The following TBC1D22A variants were observed in gnomAD, a reference collection of about 807,000 sequenced individuals.
The protein encoded by TBC1D22A is TBC1 domain family member 22A, also known as putative GTPase activator.
TBC1D22A carries 38 observed loss-of-function variants against 60.2 expected under a neutral mutation model. The ratio of observed to expected loss-of-function variants is 0.63; its 90% CI spans 0.49 to 0.83. The LOEUF is 0.83. Among genes scored for constraint, TBC1D22A ranks in the 40% least tolerant of loss-of-function variants. TBC1D22A has a pLI of 0.00. For synonymous variants in TBC1D22A, 302 were observed against 281.7 expected, an observed-to-expected ratio of 1.07 and a Z score of -0.72; for missense variants, 628 against 701.0, an observed-to-expected ratio of 0.90 and a Z score of 1.18.
At chr22:47,153,572 G>A (rs182462004) in intron 12 of TBC1D22A, among the ~76,000 whole-genome samples, 2 of 152,064 alleles carry the variant, frequency 1.3e-5, no homozygotes, top group Non-Finnish European at 2.9e-5. Context: ...CCATGCAGGT[G>A]GACGGGCAAG....
rs73182619 is a variant in TBC1D22A, at chr22:46,815,938, T to C, written c.637+18318T>C. ...TCGGCTGGAGCCCGTGGGGTATACC[T>C]GCGTGCGCCATGGGCAGGTAGGTCC... On this transcript the variant is annotated intron_variant, in intron 4 of 12. Transcript: ENST00000337137. 6.5e-3 allele frequency among the ~76,000 whole-genome samples: 990 copies of C among 152,208 alleles called. 2 individuals are homozygous for C. The highest frequency in any genetic ancestry group is 0.011 in the Non-Finnish European group (728 of 67,992).
At chr22:46,972,059 G>A (rs766493702) in intron 8 of TBC1D22A, among the ~76,000 whole-genome samples, 52 of 152,290 alleles carry the variant, frequency 3.4e-4, no homozygotes, top group Middle Eastern at 3.4e-3. Context: ...CCCCGCATTC[G>A]AGGAATGGGG....
chr22:46,906,699 C>T (rs2069493990), intron 7 of TBC1D22A, among the ~76,000 whole-genome samples: 1 of 152,180 alleles, frequency 6.6e-6, no homozygotes, highest in Non-Finnish European at 1.5e-5. Flanking sequence ...CTCCGTTTCT[C>T]AGCCACATGT....
chr22:46,792,462 G>A, intron 1 of TBC1D22A, 58 bp from the exon 2 acceptor site: 1 of 1,612,076 alleles, frequency 6.2e-7, no homozygotes, highest in Non-Finnish European at 8.5e-7. Flanking sequence ...TGAGCTGGTG[G>A]AGGGCTCTTG....
At chr22:46,857,405 T>C (rs1019555918) in intron 4 of TBC1D22A, among the ~76,000 whole-genome samples, 2 of 152,244 alleles carry the variant, frequency 1.3e-5, no homozygotes, top group Non-Finnish European at 2.9e-5. Context: ...AGAGGGCCTC[T>C]GTTTCTGAGA....
chr22:47,030,078 C>T (rs2062417389), intron 10 of TBC1D22A, among the ~76,000 whole-genome samples: 1 of 152,242 alleles, frequency 6.6e-6, no homozygotes, highest in Admixed American at 6.5e-5. Flanking sequence ...TGGGGGGCCT[C>T]TTGGTGCGGA....
At chr22:46,998,814 G>C (rs5769284) in intron 10 of TBC1D22A, among the ~76,000 whole-genome samples, 1 of 152,230 alleles carries the variant, frequency 6.6e-6, no homozygotes, top group Admixed American at 6.5e-5. Context: ...GTTACGTTTA[G>C]CTGCTTTTCA....
chr22:46,777,817 G>T lies in TBC1D22A; in HGVS notation c.63-14703G>T, dbSNP rs533301224. 3.3e-5 allele frequency among the ~76,000 whole-genome samples: 5 copies of T among 152,330 alleles called. No individual in the cohort carries two copies. The highest frequency in any genetic ancestry group is 6.5e-5 in the Admixed American group (1 of 15,300). ...AAGTCATGCATCACTTAGCGACGGG[G>T]ACGCCTTCTGAGACATGTGTCCTTA... is the stretch of plus-strand genomic sequence containing the variant. On this transcript the variant is annotated intron_variant, in intron 1 of 12. Coordinates refer to ENST00000337137, the MANE Select transcript of TBC1D22A (RefSeq NM_014346.5). This position sits in a 1 kb window ranked among gnomAD's most constrained non-coding sequence, Gnocchi z 4.5.
At chr22:47,164,740 G>A (rs191198756) in intron 12 of TBC1D22A, among the ~76,000 whole-genome samples, 37 of 152,306 alleles carry the variant, frequency 2.4e-4, no homozygotes, top group Admixed American at 2.4e-3. Context: ...GGGTCGCTCC[G>A]CTGGCAGCGC....
At chr22:46,978,608 T>G (rs900918160) in intron 9 of TBC1D22A, among the ~76,000 whole-genome samples, 43 of 152,026 alleles carry the variant, frequency 2.8e-4, no homozygotes, top group African/African-American at 9.2e-4. Context: ...GAAGCGTGTT[T>G]TTTGTTTGTT....
intron 4 of TBC1D22A, among the ~76,000 whole-genome samples, chr22:46,806,240 G>T (rs1391875857): frequency 6.6e-6 from 1 of 152,038 alleles, no homozygotes; most frequent in African/African-American, 2.4e-5. Context: ...TGATTGCATT[G>T]AACTGTCTAC....
In TBC1D22A at chr22:46,895,890, A is replaced by G. The variant is rs141573570; in HGVS notation, c.900+1044A>G. Reference sequence around the variant, plus strand: ...TCTAAGGCTTTTACAAAGGAGTACAATTATTGCATCATTGGGTGTGGTGTG... The same window carrying G: ...TCTAAGGCTTTTACAAAGGAGTACAGTTATTGCATCATTGGGTGTGGTGTG... On this transcript the variant is annotated intron_variant, in intron 7 of 12. Transcript: ENST00000337137. 1.2e-3 allele frequency among the ~76,000 whole-genome samples: 180 copies of G among 152,276 alleles called. 2 individuals carry two copies. The highest frequency in any genetic ancestry group is 4.2e-3 in the African/African-American group (176 of 41,542).
At chr22:47,050,719 G>A (rs1301188251) in intron 11 of TBC1D22A, among the ~76,000 whole-genome samples, 3 of 152,154 alleles carry the variant, frequency 2.0e-5, no homozygotes, top group African/African-American at 4.8e-5. Flanking sequence ...AGGCCATGGC[G>A]GGGGCTCGGG....
At position 46,919,731 on chromosome 22, in the gene TBC1D22A, C is replaced by CTTTTT. The variant is rs57252183; in HGVS notation, c.1015+7553_1015+7557dup. 7.4e-4 allele frequency among the ~76,000 whole-genome samples: 101 copies of CTTTTT among 136,856 alleles called. 2 individuals are homozygous for CTTTTT. Among genetic ancestry groups the CTTTTT allele is most frequent in the African/African-American group, 2.6e-3 (93 of 35,554 alleles). The allele number at this position is 136,856 out of a possible 152,430, so 89.8% of individuals were successfully genotyped here. ...TCAACACTTGTCATCATCTTTCACTCTTTTTTTTTTTTTTGTAGACTTTAC... is the reference window on the plus strand; with the variant it reads ...TCAACACTTGTCATCATCTTTCACTCTTTTTTTTTTTTTTTTTTTGTAGACTTTAC... On this transcript the variant is annotated intron_variant, in intron 8 of 12. Coordinates refer to ENST00000337137, the MANE Select transcript of TBC1D22A (RefSeq NM_014346.5).
chr22:47,055,733 G>A (rs60469109), intron 11 of TBC1D22A, among the ~76,000 whole-genome samples: 7,967 of 152,122 alleles, frequency 0.052, 217 homozygotes, highest in Middle Eastern at 0.071. Flanking sequence ...TGGCCCCTTG[G>A]GGCCAGGAGG....
At chr22:47,013,428 T>C (rs1026093071) in intron 10 of TBC1D22A, among the ~76,000 whole-genome samples, 7 of 152,094 alleles carry the variant, frequency 4.6e-5, no homozygotes. Flanking sequence ...ACAAATAAAG[T>C]GATTCTCCTT....
At chr22:46,830,895 T>G (rs2086279360) in intron 4 of TBC1D22A, among the ~76,000 whole-genome samples, 1 of 151,274 alleles carries the variant, frequency 6.6e-6, no homozygotes, top group Non-Finnish European at 1.5e-5. Flanking sequence ...GCTGTTGGAG[T>G]GGGGATGCTG....
chr22:46,894,689 G>T, intron 6 of TBC1D22A, 95 bp from the exon 7 acceptor site: 2 of 1,450,434 alleles, frequency 1.4e-6, no homozygotes, highest in Non-Finnish European at 1.9e-6. Context: ...AGAGGCCGGG[G>T]AAGGACTTAC....
At chr22:46,912,552 C>G (rs917602562) in intron 8 of TBC1D22A, among the ~76,000 whole-genome samples, 6 of 152,074 alleles carry the variant, frequency 3.9e-5, no homozygotes, top group African/African-American at 7.2e-5. Context: ...GTCTGTCTAT[C>G]TGTTTATCTA....
Sources: gnomAD v4.1 joint callset for allele counts (sites outside exome capture counted in the v4.1 genomes callset) on GRCh38, gnomAD v4.1.1 for gene constraint, Gnocchi (gnomAD v3.1) non-coding constraint, MANE v1.5 for transcripts, NCBI Gene and HGNC (gene_info 2026-07-23, HGNC 2026-07-21) for gene names.